The following CATSPERE variants were observed in gnomAD, a reference collection of about 807,000 sequenced individuals.
The protein encoded by CATSPERE is cation channel sperm-associated auxiliary subunit epsilon.
CATSPERE carries 93 observed loss-of-function variants against 114.1 expected under a neutral mutation model. The ratio of observed to expected loss-of-function variants is 0.81; its 90% CI spans 0.69 to 0.97. CATSPERE has a LOEUF of 0.97. Among genes scored for constraint, CATSPERE ranks in the 50% least tolerant of loss-of-function variants. The probability of loss-of-function intolerance (pLI) is 0.00; values close to 1 mark genes in which losing one functional copy is unlikely to be tolerated. For synonymous variants in CATSPERE, 341 were observed against 384.1 expected (o/e 0.89, Z 1.31); for missense variants, 1,058 against 1,131.6 (o/e 0.93, Z 0.93).
rs574351796 is a variant in CATSPERE, at chr1:244,513,688, T to C, written c.430-4904T>C. Reference sequence around the variant, plus strand: ...CCCAGATAGCATGCTGGGGCACTGGTAGTGGTGGTGGCAGTGGACAGATCA... The same window carrying C: ...CCCAGATAGCATGCTGGGGCACTGGCAGTGGTGGTGGCAGTGGACAGATCA... On this transcript the variant is annotated intron_variant, in intron 7 of 21. Coordinates refer to ENST00000366534, the MANE Select transcript of CATSPERE (RefSeq NM_001130957.2). Among the ~76,000 whole-genome samples the C allele has an allele frequency of 2.0e-5, 3 of 151,882 alleles. No homozygotes were observed. The East Asian group carries it at 5.9e-4, about 30-fold the overall frequency.
At chr1:244,503,908 T>G (rs917322130) in intron 7 of CATSPERE, among the ~76,000 whole-genome samples, 2 of 152,242 alleles carry the variant, frequency 1.3e-5, no homozygotes, top group Non-Finnish European at 2.9e-5. Context: ...ACTCACTGAG[T>G]TACTCATATC....
chr1:244,457,220 G>C (rs370959458), upstream of CATSPERE, among the ~76,000 whole-genome samples: 8 of 152,120 alleles, frequency 5.3e-5, no homozygotes, highest in East Asian at 1.5e-3. Flanking sequence ...GGGCCCCTGT[G>C]TCCAAAATCT....
At chr1:244,592,216 G>A (rs767501070) in intron 15 of CATSPERE, among the ~76,000 whole-genome samples, 9 of 152,034 alleles carry the variant, frequency 5.9e-5, no homozygotes, top group Non-Finnish European at 7.4e-5. Flanking sequence ...CGGGCATGGT[G>A]GCTTAAATTC....
intron 17 of CATSPERE, among the ~76,000 whole-genome samples, chr1:244,597,185 A>G (rs145256221): frequency 1.0e-3 from 152 of 152,260 alleles, no homozygotes; most frequent in African/African-American, 3.4e-3. Context: ...AAATTAACAA[A>G]CACAATCACA....
chr1:244,598,950 T>C (rs1668802919), intron 17 of CATSPERE, among the ~76,000 whole-genome samples: 1 of 152,154 alleles, frequency 6.6e-6, no homozygotes, highest in African/African-American at 2.4e-5. Context: ...GCTTAGGCTA[T>C]GCTGCAGTAA....
chr1:244,561,009 A>T lies in CATSPERE; in HGVS notation c.1371A>T (p.Gly457=), dbSNP rs755512752. The T allele has an allele frequency of 6.2e-7, 1 of 1,613,630 alleles. No individual in the cohort carries two copies. The highest frequency in any genetic ancestry group is 1.1e-5 in the South Asian group (1 of 91,076). The part of the protein sequence containing the change: ...MPHFTFSALP[G]LLLWNKHSIY... ...ATTTTACATTTTCAGCACTGCCAGG[A>T]TTACTGCTATGGAACAAGCATAGTA... Residue 457 remains glycine, a synonymous_variant, in exon 10 of 22, where the codon GGA becomes GGT. Transcript: ENST00000366534.
At chr1:244,608,002 G>C (rs988758668) in intron 18 of CATSPERE, among the ~76,000 whole-genome samples, 3 of 152,146 alleles carry the variant, frequency 2.0e-5, no homozygotes, top group East Asian at 1.9e-4. Context: ...AGCTACTCAG[G>C]AGGCTGAGAC....
intron 17 of CATSPERE, among the ~76,000 whole-genome samples, chr1:244,604,882 G>A (rs977944734): frequency 7.9e-5 from 12 of 152,140 alleles, no homozygotes; most frequent in Middle Eastern, 3.2e-3. Flanking sequence ...CTGAGTTTGC[G>A]GTAAATAAGC....
intron 19 of CATSPERE, among the ~76,000 whole-genome samples, chr1:244,612,144 TG>T (rs1195285656): frequency 1.3e-5 from 2 of 152,138 alleles, no homozygotes; most frequent in Non-Finnish European, 2.9e-5. Flanking sequence ...AGCTTACCAC[TG>T]AAAGGGTGAA....
In CATSPERE at chr1:244,482,065, CA is replaced by C. The variant is rs373790506; in HGVS notation, c.326+2282del. Among the ~76,000 whole-genome samples the C allele has an allele frequency of 4.9e-3, 744 of 152,258 alleles. 1 individual carries two copies. The highest frequency in any genetic ancestry group is 0.018 in the South Asian group (88 of 4,818). ...AAGAACAGAAGGAAAAGCACCTATC[CA>C]GGGGGCAGGTTAGTCCAAAAGAGAG... On this transcript the variant is annotated intron_variant, in intron 5 of 21. Transcript: ENST00000366534.
chr1:244,634,699 G>T (rs992907802), intron 20 of CATSPERE, among the ~76,000 whole-genome samples: 1 of 152,240 alleles, frequency 6.6e-6, no homozygotes, highest in Non-Finnish European at 1.5e-5. Context: ...ACTAACAGCT[G>T]TGTAAACTTT....
chr1:244,516,866 A>G (rs1170899963), intron 7 of CATSPERE, among the ~76,000 whole-genome samples: 1 of 152,098 alleles, frequency 6.6e-6, no homozygotes, highest in Non-Finnish European at 1.5e-5. Context: ...CCCAGCAATC[A>G]CACTTCCAAG....
chr1:244,496,102 A>G (rs993105086), intron 6 of CATSPERE, among the ~76,000 whole-genome samples: 3 of 152,244 alleles, frequency 2.0e-5, no homozygotes, highest in African/African-American at 7.2e-5. Context: ...GAAAATCCCC[A>G]TGTTGGGGAA....
intron 13 of CATSPERE, among the ~76,000 whole-genome samples, chr1:244,586,849 G>A (rs1285118506): frequency 6.6e-6 from 1 of 152,142 alleles, no homozygotes; most frequent in Non-Finnish European, 1.5e-5. Flanking sequence ...ATGGAAGTAG[G>A]TATCCCAGCA....
chr1:244,510,835 C>CTTTTTTTTTTTTTTTTTTTTTTTTTT (rs747921082), intron 7 of CATSPERE, among the ~76,000 whole-genome samples: 48 of 48,330 alleles, frequency 9.9e-4, no homozygotes, highest in East Asian at 2.4e-3. Context: ...TTTTCTTTTT[C>CTTTTTTTTTTTTTTTTTTTTTTTTTT]TTTTTTTTTT....
At chr1:244,496,274 T>C (rs1001630951) in intron 6 of CATSPERE, among the ~76,000 whole-genome samples, 1 of 152,196 alleles carries the variant, frequency 6.6e-6, no homozygotes, top group African/African-American at 2.4e-5. Context: ...ATCAAAGAGC[T>C]GTGAGTAAAA....
intron 8 of CATSPERE, among the ~76,000 whole-genome samples, chr1:244,540,693 G>T (rs1362613915): frequency 4.9e-4 from 71 of 145,086 alleles, no homozygotes; most frequent in African/African-American, 1.5e-3. Context: ...AGCCTGCATC[G>T]CCAAGTCAAT....
chr1:244,559,468 T>C (rs115759639), intron 9 of CATSPERE, among the ~76,000 whole-genome samples: 71 of 152,320 alleles, frequency 4.7e-4, no homozygotes, highest in African/African-American at 1.7e-3. Context: ...ACATAGAAAT[T>C]ACATTTCAAG....
intron 21 of CATSPERE, among the ~76,000 whole-genome samples, chr1:244,637,059 C>G (rs1573136741): frequency 6.6e-6 from 1 of 152,042 alleles, no homozygotes; most frequent in African/African-American, 2.4e-5. Flanking sequence ...GACTCTCCCC[C>G]GAGGACACTG....
Sources: gnomAD v4.1 joint callset for allele counts (sites outside exome capture counted in the v4.1 genomes callset) on GRCh38, gnomAD v4.1.1 for gene constraint, MANE v1.5 for transcripts, NCBI Gene and HGNC (gene_info 2026-07-23, HGNC 2026-07-21) for gene names.